DNAAF5: variants seen among roughly 807,000 people sequenced by gnomAD.
DNAAF5 encodes HEAT repeat containing 2.
In DNAAF5, 64 loss-of-function variants were observed where a neutral mutation model predicts 75.8. The ratio of observed to expected loss-of-function variants is 0.84; its 90% CI spans 0.69 to 1.04. DNAAF5 has a LOEUF of 1.04. DNAAF5 is among the 50% of genes least tolerant of loss of function. DNAAF5 has a pLI of 0.00. For synonymous variants in DNAAF5, 657 were observed against 557.2 expected, an observed-to-expected ratio of 1.18 and a Z score of -2.52; for missense variants, 1,269 against 1,178.5, an observed-to-expected ratio of 1.08 and a Z score of -1.12.
intron 9 of DNAAF5, among the ~76,000 whole-genome samples, chr7:773,292 G>A (rs1583516383): frequency 1.3e-5 from 2 of 152,340 alleles, no homozygotes; most frequent in Admixed American, 6.5e-5. Flanking sequence ...AGCCGGTGGC[G>A]CCTCCAGAAG....
At chr7:730,297 A>G (rs1470221520) in intron 2 of DNAAF5, among the ~76,000 whole-genome samples, 1 of 151,824 alleles carries the variant, frequency 6.6e-6, no homozygotes, top group Non-Finnish European at 1.5e-5. Context: ...CAGGAGTCCT[A>G]CAGATGGGGC....
intron 11 of DNAAF5, among the ~76,000 whole-genome samples, chr7:777,037 C>T (rs995751418): frequency 1.2e-4 from 19 of 152,210 alleles, no homozygotes; most frequent in Admixed American, 3.9e-4. Context: ...CCTGATGATC[C>T]GTCACTGTCT....
At position 727,239 on chromosome 7, in the gene DNAAF5, C is replaced by T. The variant is rs1032474247; in HGVS notation, c.519C>T (p.Cys173=). 3 of 1,360,774 alleles carry T rather than the reference C, an allele frequency of 2.2e-6. No homozygotes were observed. Among genetic ancestry groups the T allele is most frequent in the Non-Finnish European group, 2.8e-6 (3 of 1,058,550 alleles). The allele number at this position is 1,360,774 out of a possible 1,614,324, so 84.3% of individuals were successfully genotyped here. A position where few individuals can be genotyped will look rare whatever the true frequency, so the allele number is the denominator to read the frequency against. Residue 173 remains cysteine, a synonymous_variant, in exon 1 of 13, where the codon TGC becomes TGT. Coordinates refer to ENST00000297440, the MANE Select transcript of DNAAF5 (RefSeq NM_017802.4). ...ACGACGCTCTGCGCGCGCTGCGCTG[C>T]TCCCTGCTCGACCCCTTCGCCGCCG... ...HLDDALRALR[C]SLLDPFAAVR...
At position 741,361 on chromosome 7, in the gene DNAAF5, G is replaced by C. The variant is rs1229892593; in HGVS notation, c.920G>C (p.Ser307Thr). 5 of 1,588,774 alleles carry C rather than the reference G, an allele frequency of 3.1e-6. No homozygotes were observed. In the Admixed American group the frequency reaches 5.4e-5, roughly 17 times the overall value. The part of the protein sequence containing the change: ...EVPEVRQLAA[S>T]LWEDVGLQWQ... ...TTGTGCCTCAGGCAGCTGGCTGCCA[G>C]CCTCTGGGAGGACGTTGGCCTGCAG... Residue 307 changes from serine (S) to threonine (T), a missense_variant, in exon 4 of 13, where the codon AGC (serine) becomes ACC (threonine). Physicochemically the swap from Ser to Thr is moderately conservative, Grantham distance 58. Transcript: ENST00000297440.
chr7:772,161 T>A (rs567946776), intron 9 of DNAAF5: 1 of 152,416 alleles, frequency 6.6e-6, no homozygotes, highest in East Asian at 1.9e-4. Flanking sequence ...TCTGCCATGG[T>A]GTCTCCACCT....
chr7:755,057 G>A (rs143148836), intron 5 of DNAAF5, among the ~76,000 whole-genome samples: 73 of 152,336 alleles, frequency 4.8e-4, no homozygotes, highest in Non-Finnish European at 8.1e-4. Flanking sequence ...ACACTCGGGG[G>A]TGCAGTGCCA....
At chr7:783,207 C>T (rs987441883) in intron 12 of DNAAF5, among the ~76,000 whole-genome samples, 33 of 152,358 alleles carry the variant, frequency 2.2e-4, no homozygotes, top group Admixed American at 1.8e-3. Context: ...CTCGTCCGTC[C>T]GCCATTCTTC....
At chr7:782,651 C>T (rs577735242) in intron 12 of DNAAF5, among the ~76,000 whole-genome samples, 9 of 129,742 alleles carry the variant, frequency 6.9e-5, no homozygotes, top group African/African-American at 2.2e-4. Context: ...CCTCCCGTCA[C>T]GCAGCGTCAG....
Position 754,264 on chromosome 7 carries a change from A to G in DNAAF5, c.1025-325A>G, listed in dbSNP as rs1429330763. On this transcript the variant is annotated intron_variant, in intron 4 of 12. Coordinates refer to ENST00000297440, the MANE Select transcript of DNAAF5 (RefSeq NM_017802.4). The surrounding 1 kb of genome is among the most constrained non-coding windows in gnomAD (Gnocchi z 4.8). ...CTCAGACTCCTGCGTAGCTGGGACC[A>G]CAGGCATGCACCACGGCACCTGGCT... Among the ~76,000 whole-genome samples, 24 of 152,176 alleles carry G rather than the reference A, an allele frequency of 1.6e-4. No homozygotes were observed. Among genetic ancestry groups the G allele is most frequent in the Non-Finnish European group, 1.6e-4 (11 of 68,036 alleles).
chr7:761,968 G>A (rs1181743137), intron 7 of DNAAF5, 72 bp downstream of exon 7: 4 of 548,784 alleles, frequency 7.3e-6, no homozygotes, highest in East Asian at 9.3e-5. Context: ...TAAGTGAGGT[G>A]AACTGTCTCC....
At position 780,034 on chromosome 7, in the gene DNAAF5, T is replaced by C; in HGVS notation, c.2321T>C (p.Val774Ala). 1 of 1,614,216 alleles carries C rather than the reference T, an allele frequency of 6.2e-7. No homozygotes were observed. Among genetic ancestry groups the C allele is most frequent in the Non-Finnish European group, 8.5e-7 (1 of 1,180,028 alleles). ...ASTLVTWLQCVKGANAKSYYQ... is the reference protein window; with the variant it reads ...ASTLVTWLQCAKGANAKSYYQ... ...ACCTTGGTCACCTGGCTGCAGTGTG[T>C]CAAGGGTGCCAACGCAAAATCCTAC... The change falls in exon 12 of 13, where the codon GTC (valine) becomes GCC (alanine). Residue 774 changes from valine (V) to alanine (A), a missense_variant. By Grantham distance (64) the Val-to-Ala change is moderately conservative. Coordinates refer to ENST00000297440, the MANE Select transcript of DNAAF5 (RefSeq NM_017802.4).
rs747061602 is a variant in DNAAF5, at chr7:775,037, A to ACCCTGGGT, written c.2114_2115insCCCTGGGT (p.Gln705HisfsTer6). 3.2e-5 allele frequency: 51 copies of ACCCTGGGT among 1,613,904 alleles called. No homozygotes were observed. The highest frequency in any genetic ancestry group is 4.1e-5 in the Non-Finnish European group (48 of 1,179,966). On this transcript the variant is annotated frameshift_variant, in exon 11 of 13. Transcript: ENST00000297440. LOFTEE classifies it high-confidence loss of function. ...GACGTGCAGGAAACACTGATGCCCC[A>ACCCTGGGT]GGTCCTGACCACCCTGGAGGAGGAT...
rs917140169 is a variant in DNAAF5 at position 741,063 on chromosome 7, C to G, written c.905+120C>G. On this transcript the variant is annotated intron_variant, in intron 3 of 12. Transcript: ENST00000297440. ...CTGGTGTCCCTTTGTCCCTGTGCTC[C>G]GAAGGGATGTGCCGTACAGAAGTCG... 3 of 1,222,536 alleles carry G rather than the reference C, an allele frequency of 2.5e-6. No individual in the cohort carries two copies. The African/African-American group carries it at 4.5e-5, about 18-fold the overall frequency. The allele number at this position is 1,222,536 out of a possible 1,614,324, so 75.7% of individuals were successfully genotyped here.
At chr7:737,494 G>T (rs138061963) in intron 2 of DNAAF5, among the ~76,000 whole-genome samples, 2 of 152,196 alleles carry the variant, frequency 1.3e-5, no homozygotes, top group African/African-American at 4.8e-5. Context: ...GTGTTGTTCT[G>T]TGTGCTTACT....
chr7:736,962 A>T (rs762020334), intron 2 of DNAAF5, among the ~76,000 whole-genome samples: 1 of 152,196 alleles, frequency 6.6e-6, no homozygotes, highest in African/African-American at 2.4e-5. Flanking sequence ...AAAACAAGCA[A>T]GCCAAGAAAA....
chr7:764,523 G>A (rs1232063971), intron 8 of DNAAF5, among the ~76,000 whole-genome samples: 3 of 152,178 alleles, frequency 2.0e-5, no homozygotes, highest in Non-Finnish European at 4.4e-5. Flanking sequence ...GCTGCTCCAC[G>A]GGCCGTGAAC....
At chr7:779,802 C>T (rs531867325) in intron 11 of DNAAF5, 151 bp from the exon 12 acceptor site, 2 of 659,740 alleles carry the variant, frequency 3.0e-6, no homozygotes, top group Admixed American at 2.9e-5. Context: ...TTGCATGTGG[C>T]TCGGGATGCA....
At chr7:753,978 A>T (rs1583495183) in intron 4 of DNAAF5, among the ~76,000 whole-genome samples, 1 of 126,092 alleles carries the variant, frequency 7.9e-6, no homozygotes, top group Non-Finnish European at 1.6e-5. Context: ...TCATATGGCG[A>T]TGGCTTCGCA....
At chr7:769,159 C>T (rs775619649) in intron 8 of DNAAF5, 52 of 773,624 alleles carry the variant, frequency 6.7e-5, no homozygotes, top group Middle Eastern at 2.2e-4. Context: ...TGACTGGCGG[C>T]GCCAGGGAGA....
Sources: gnomAD v4.1 joint callset for allele counts (sites outside exome capture counted in the v4.1 genomes callset) on GRCh38, gnomAD v4.1.1 for gene constraint, Gnocchi (gnomAD v3.1) non-coding constraint, MANE v1.5 for transcripts, NCBI Gene and HGNC (gene_info 2026-07-23, HGNC 2026-07-21) for gene names.